DLGAP5: variants seen among roughly 807,000 people sequenced by gnomAD.
DLGAP5 encodes the protein DLG associated protein 5.
In DLGAP5, 90 loss-of-function variants were observed where a neutral mutation model predicts 99.6. The observed-to-expected ratio is 0.90, with a 90% confidence interval of 0.76 to 1.08. DLGAP5 has a LOEUF of 1.08. Ranked by LOEUF, DLGAP5 falls within the 50% of genes least tolerant of loss-of-function variation. The pLI is 0.00. For missense variants in DLGAP5, 1,036 were observed against 983.5 expected, an observed-to-expected ratio of 1.05 and a Z score of -0.71; for synonymous variants, 311 against 321.3, an observed-to-expected ratio of 0.97 and a Z score of 0.34.
chr14:55,173,353 G>A (rs1477643516), intron 10 of DLGAP5, among the ~76,000 whole-genome samples: 1 of 151,528 alleles, frequency 6.6e-6, no homozygotes, highest in Non-Finnish European at 1.5e-5. Context: ...TTGAGCTCAG[G>A]ACAGAGAGGC....
chr14:55,186,712 T>C (rs1032942481), intron 2 of DLGAP5, among the ~76,000 whole-genome samples: 1 of 152,206 alleles, frequency 6.6e-6, no homozygotes, highest in Non-Finnish European at 1.5e-5. Context: ...ACCAAAACTA[T>C]TCAAGATCAC....
chr14:55,164,887 A>T (rs1475208352), intron 12 of DLGAP5, among the ~76,000 whole-genome samples: 3 of 147,768 alleles, frequency 2.0e-5, no homozygotes, highest in African/African-American at 7.6e-5. Context: ...ATGCCACTGC[A>T]CTCTAGCCTG....
Position 55,180,742 on chromosome 14 carries a change from G to T in DLGAP5, c.617C>A (p.Thr206Asn). ...QPVMPTSLRM[T>N]RSATQAAKQV... ...CTTTGCTGCTTGAGTAGCTGATCGA[G>T]TCATTCTCAACGACGTGGGCATTAC... Residue 206 changes from threonine to asparagine, a missense_variant, in exon 6 of 19, where the codon ACT becomes AAT. By Grantham distance (65) the Thr-to-Asn change is moderately conservative. Coordinates refer to ENST00000247191, the MANE Select transcript of DLGAP5 (RefSeq NM_014750.5). 1.2e-6 allele frequency: 2 copies of T among 1,614,050 alleles called. No homozygotes were observed. The highest frequency in any genetic ancestry group is 1.7e-6 in the Non-Finnish European group (2 of 1,180,008).
intron 1 of DLGAP5, among the ~76,000 whole-genome samples, chr14:55,189,907 G>A (rs920040443): frequency 2.6e-5 from 4 of 152,144 alleles, no homozygotes; most frequent in African/African-American, 7.2e-5. Context: ...GTGAGGTGGG[G>A]CTGAAAATGC....
chr14:55,182,455 GA>G (rs3831132), intron 3 of DLGAP5, 23 bp from the exon 4 acceptor site: 40,277 of 1,586,960 alleles, frequency 0.025, 2,955 homozygotes, highest in African/African-American at 0.25. Context: ...AAAAGAAGAT[GA>G]ACTTAAAATA....
chr14:55,164,351 A>G (rs888415895), intron 12 of DLGAP5, among the ~76,000 whole-genome samples: 2 of 152,204 alleles, frequency 1.3e-5, no homozygotes, highest in Non-Finnish European at 2.9e-5. Context: ...AATTACACTC[A>G]TGACCAACTG....
At chr14:55,159,894 AAATAT>A (rs1449016661) in intron 13 of DLGAP5, among the ~76,000 whole-genome samples, 1 of 152,206 alleles carries the variant, frequency 6.6e-6, no homozygotes, top group Non-Finnish European at 1.5e-5. Context: ...AAGAAGAAGG[AAATAT>A]AATTTCAAAA....
In DLGAP5 at chr14:55,188,987, C is replaced by T; in HGVS notation, c.193G>A (p.Glu65Lys). ...TCTGGAACAAGCCCTTGAGATGTCT[C>T]ATCTAATTCAACAAGAATTCTACCT... Reference protein sequence around the residue: ...LEGRILVELDETSQGLVPEKT... With the variant: ...LEGRILVELDKTSQGLVPEKT... Residue 65 changes from glutamate to lysine, a missense_variant, in exon 2 of 19, where the codon GAG becomes AAG. Physicochemically the swap from Glu to Lys is moderately conservative, Grantham distance 56. Coordinates refer to ENST00000247191, the MANE Select transcript of DLGAP5 (RefSeq NM_014750.5). 1 of 1,613,810 alleles carries T rather than the reference C, an allele frequency of 6.2e-7. No homozygotes were observed. The highest frequency in any genetic ancestry group is 1.1e-5 in the South Asian group (1 of 91,008).
At chr14:55,187,638 T>C (rs1268410184) in intron 2 of DLGAP5, among the ~76,000 whole-genome samples, 1 of 151,960 alleles carries the variant, frequency 6.6e-6, no homozygotes, top group Non-Finnish European at 1.5e-5. Context: ...TTTTTTTTTT[T>C]TTTAGGAGAC....
At chr14:55,179,058 T>G (rs567290375) in intron 7 of DLGAP5, among the ~76,000 whole-genome samples, 12 of 151,962 alleles carry the variant, frequency 7.9e-5, no homozygotes, top group South Asian at 2.1e-4. Context: ...AAAAATAAAA[T>G]AAAAGAAAAT....
chr14:55,163,132 G>A (rs1423633034), intron 12 of DLGAP5, 57 bp from the exon 13 acceptor site: 13 of 1,067,086 alleles, frequency 1.2e-5, no homozygotes, highest in African/African-American at 1.6e-5. Context: ...AGTTATAAAC[G>A]AATGAGCTGA....
At chr14:55,152,246 A>T (rs573114773) in intron 16 of DLGAP5, among the ~76,000 whole-genome samples, 1 of 152,368 alleles carries the variant, frequency 6.6e-6, no homozygotes, top group African/African-American at 2.4e-5. Flanking sequence ...GGTCTCTGTC[A>T]TAAGTACTCA....
intron 2 of DLGAP5, among the ~76,000 whole-genome samples, chr14:55,185,864 A>G (rs1883418705): frequency 6.6e-6 from 1 of 152,254 alleles, no homozygotes; most frequent in African/African-American, 2.4e-5. Context: ...AATGAACCCC[A>G]TATACCTATT....
intron 3 of DLGAP5, 82 bp from the exon 4 acceptor site, chr14:55,182,514 C>A: frequency 1.7e-6 from 2 of 1,209,680 alleles, no homozygotes; most frequent in South Asian, 1.6e-5. Flanking sequence ...AATAAAGTTC[C>A]CATTTTAAAG....
At chr14:55,189,925 C>G (rs558404968) in intron 1 of DLGAP5, among the ~76,000 whole-genome samples, 1 of 152,244 alleles carries the variant, frequency 6.6e-6, no homozygotes, top group Admixed American at 6.5e-5. Context: ...TGCCAACTCT[C>G]GAGAAATCCT....
chr14:55,175,227 C>T lies in DLGAP5; in HGVS notation c.1301+119G>A, dbSNP rs183132090. 1.3e-4 allele frequency: 102 copies of T among 806,844 alleles called. 1 individual carries two copies. Among genetic ancestry groups the T allele is most frequent in the Middle Eastern group, 2.4e-4 (1 of 4,178 alleles). 50.0% of individuals were successfully genotyped at this position (806,844 alleles called of 1,614,324 possible). ...ATCAAAAAAATAATTAAAATTTAAACGTGAAAATCACCTAACACCAGTTTT... is the reference window on the plus strand; with the variant it reads ...ATCAAAAAAATAATTAAAATTTAAATGTGAAAATCACCTAACACCAGTTTT... On this transcript the variant is annotated intron_variant, in intron 10 of 18. Transcript: ENST00000247191.
chr14:55,173,367 G>A (rs554110202), intron 10 of DLGAP5, among the ~76,000 whole-genome samples: 8 of 151,092 alleles, frequency 5.3e-5, no homozygotes, highest in Admixed American at 2.6e-4. Flanking sequence ...GAGAGGCTGC[G>A]GTGAGCTGAG....
intron 14 of DLGAP5, among the ~76,000 whole-genome samples, chr14:55,156,989 T>G (rs1355810288): frequency 1.3e-5 from 2 of 152,202 alleles, no homozygotes; most frequent in Non-Finnish European, 2.9e-5. Flanking sequence ...AAAAATGTGT[T>G]TTTGAAAAAG....
chr14:55,190,295 C>A (rs1197316535), intron 1 of DLGAP5, among the ~76,000 whole-genome samples: 2 of 151,670 alleles, frequency 1.3e-5, no homozygotes, highest in East Asian at 3.9e-4. Context: ...GCCATACACA[C>A]ACACACACAC....
Sources: gnomAD v4.1 joint callset for allele counts (sites outside exome capture counted in the v4.1 genomes callset) on GRCh38, gnomAD v4.1.1 for gene constraint, MANE v1.5 for transcripts, NCBI Gene and HGNC (gene_info 2026-07-23, HGNC 2026-07-21) for gene names.